The following THADA variants were observed in gnomAD, a reference collection of about 807,000 sequenced individuals.
THADA encodes tRNA (32-2'-O)-methyltransferase regulator THADA.
A neutral mutation model predicts 219.8 loss-of-function variants in THADA; 213 were observed. The observed-to-expected ratio is 0.97, with a 90% CI of 0.87 to 1.09. The LOEUF (loss-of-function observed/expected upper bound fraction) is 1.09. THADA is among the 50% of genes least tolerant of loss of function. The pLI, the probability that THADA is intolerant of heterozygous loss-of-function variation, is 0.00. For missense variants in THADA, 2,956 were observed against 2,311.3 expected (o/e 1.28, Z -5.72); for synonymous variants, 1,018 against 828.9 (o/e 1.23, Z -3.92).
chr2:43,371,426 G>C (rs1194768678), intron 29 of THADA, among the ~76,000 whole-genome samples: 1 of 152,252 alleles, frequency 6.6e-6, no homozygotes, highest in African/African-American at 2.4e-5. Flanking sequence ...ACACTGATTA[G>C]AATGTTAATA....
chr2:43,580,243 G>A (rs1700289959), intron 8 of THADA, among the ~76,000 whole-genome samples: 1 of 151,634 alleles, frequency 6.6e-6, no homozygotes, highest in South Asian at 2.1e-4. Context: ...ATTTCATCAT[G>A]TTGGCCAGAA....
intron 5 of THADA, 29 bp downstream of exon 5, chr2:43,586,825 G>C: frequency 6.2e-7 from 1 of 1,612,078 alleles, no homozygotes; most frequent in Non-Finnish European, 8.5e-7. Flanking sequence ...GGGTTAGCCA[G>C]AAAAAGGACT....
At chr2:43,308,881 T>G (rs1276758526) in intron 31 of THADA, among the ~76,000 whole-genome samples, 1 of 151,154 alleles carries the variant, frequency 6.6e-6, no homozygotes, top group Non-Finnish European at 1.5e-5. Flanking sequence ...TTAGAAGAAG[T>G]TTTGAGGGAG....
intron 1 of THADA, among the ~76,000 whole-genome samples, chr2:43,593,169 A>C (rs1701761462): frequency 6.6e-6 from 1 of 152,274 alleles, no homozygotes; most frequent in Non-Finnish European, 1.5e-5. Flanking sequence ...GGACATGTTG[A>C]ATGATGGAAT....
chr2:43,427,967 A>G (rs2104811924), intron 28 of THADA, 133 bp downstream of exon 28: 1 of 455,522 alleles, frequency 2.2e-6, no homozygotes, highest in South Asian at 9.5e-5. Flanking sequence ...AAAAACAAAC[A>G]AACAAACAAA....
chr2:43,342,953 AG>A, intron 30 of THADA: 1 of 152,300 alleles, frequency 6.6e-6, no homozygotes, highest in African/African-American at 2.4e-5. Flanking sequence ...TAAAAAAGAG[AG>A]GCTTCTACTT....
intron 17 of THADA, among the ~76,000 whole-genome samples, chr2:43,555,815 T>G (rs910384271): frequency 2.6e-5 from 4 of 152,222 alleles, no homozygotes; most frequent in Non-Finnish European, 5.9e-5. Flanking sequence ...TTATTTCTAG[T>G]ACAATTCTAA....
chr2:43,512,412 A>G (rs1486959854), intron 22 of THADA, among the ~76,000 whole-genome samples: 2 of 152,218 alleles, frequency 1.3e-5, no homozygotes, highest in East Asian at 1.9e-4. Flanking sequence ...ATTTGGTCCA[A>G]TAATGGAACT....
chr2:43,480,696 T>C (rs1311738275), intron 26 of THADA, among the ~76,000 whole-genome samples: 1 of 151,648 alleles, frequency 6.6e-6, no homozygotes, highest in Non-Finnish European at 1.5e-5. Context: ...TGTGCACCTG[T>C]AATCCCAGCT....
chr2:43,378,914 C>G (rs899461523), intron 29 of THADA, among the ~76,000 whole-genome samples: 1 of 152,114 alleles, frequency 6.6e-6, no homozygotes, highest in African/African-American at 2.4e-5. Flanking sequence ...CTAATAATAT[C>G]TTCAAAGTGC....
intron 31 of THADA, among the ~76,000 whole-genome samples, chr2:43,306,032 G>A (rs942883904): frequency 3.2e-5 from 4 of 125,006 alleles, no homozygotes; most frequent in South Asian, 2.8e-4. Context: ...TTGTTACCAC[G>A]CCGGAGTGCA....
At chr2:43,591,911 T>C in intron 3 of THADA, 41 bp downstream of exon 3, 2 of 1,337,064 alleles carry the variant, frequency 1.5e-6, no homozygotes, top group Non-Finnish European at 1.0e-6. Context: ...AATAGCATGA[T>C]ACTCTTAAAG....
intron 29 of THADA, among the ~76,000 whole-genome samples, chr2:43,373,020 G>A (rs1670984088): frequency 6.6e-6 from 1 of 151,726 alleles, no homozygotes; most frequent in Admixed American, 6.6e-5. Flanking sequence ...ACTCTCCATT[G>A]GAATACCCCC....
chr2:43,537,596 A>G (rs1040365840), intron 21 of THADA, among the ~76,000 whole-genome samples: 2 of 152,224 alleles, frequency 1.3e-5, no homozygotes, highest in Non-Finnish European at 2.9e-5. Context: ...ATCTAAAGTA[A>G]TAACAAAAGA....
intron 26 of THADA, among the ~76,000 whole-genome samples, chr2:43,445,424 G>A (rs1294561051): frequency 6.6e-6 from 1 of 152,192 alleles, no homozygotes; most frequent in African/African-American, 2.4e-5. Flanking sequence ...TCTCCCTAGA[G>A]TAGTTAACAA....
intron 26 of THADA, among the ~76,000 whole-genome samples, chr2:43,469,244 T>C (rs1057037746): frequency 6.6e-6 from 1 of 152,102 alleles, no homozygotes; most frequent in Admixed American, 6.5e-5. Flanking sequence ...AAGGGAACAA[T>C]AGGGAGATTG....
chr2:43,344,315 C>A, intron 29 of THADA, 78 bp from the exon 30 acceptor site: 1 of 1,000,574 alleles, frequency 1.0e-6, no homozygotes, highest in South Asian at 1.6e-5. Context: ...TTTTAAGTTT[C>A]CTTAAAATGT....
chr2:43,433,109 T>C (rs1679585342), intron 26 of THADA, among the ~76,000 whole-genome samples: 1 of 152,204 alleles, frequency 6.6e-6, no homozygotes, highest in South Asian at 2.1e-4. Flanking sequence ...TTGAGGTCTA[T>C]GATCCATTTA....
At chr2:43,589,068 T>C (rs1039270127) in intron 4 of THADA, among the ~76,000 whole-genome samples, 14 of 152,132 alleles carry the variant, frequency 9.2e-5, no homozygotes, top group African/African-American at 3.4e-4. Context: ...AGTATGACAG[T>C]TGCTCAAAAA....
Sources: gnomAD v4.1 joint callset for allele counts (sites outside exome capture counted in the v4.1 genomes callset) on GRCh38, gnomAD v4.1.1 for gene constraint, MANE v1.5 for transcripts, NCBI Gene and HGNC (gene_info 2026-07-23, HGNC 2026-07-21) for gene names.